Variants in ANKRD17 observed in about 807,000 individuals in gnomAD.
ANKRD17 encodes ankyrin repeat domain 17, also known as ankyrin repeat domain-containing protein 17.
A neutral mutation model predicts 229.7 loss-of-function variants in ANKRD17; 19 were observed. The ratio of observed to expected loss-of-function variants is 0.08; its 90% CI spans 0.06 to 0.12. The LOEUF is 0.12. ANKRD17 is among the 10% of genes least tolerant of loss of function. The probability of loss-of-function intolerance (pLI) is 1.00; values close to 1 mark genes in which losing one functional copy is unlikely to be tolerated. For missense variants in ANKRD17, 2,176 were observed against 3,176.8 expected (o/e 0.68, Z 7.57); for synonymous variants, 1,112 against 1,146.1 (o/e 0.97, Z 0.60).
At position 73,194,755 on chromosome 4, in the gene ANKRD17, C is replaced by CTCCT. The variant is rs1737609744; in HGVS notation, c.394-17226_394-17223dup. ...ACCTATTGCTTGGGACTTTAACCTA[C>CTCCT]TCCTTCCACCATAGGCAAAAATTAA... is the stretch of plus-strand genomic sequence containing the variant. On this transcript the variant is annotated intron_variant, in intron 1 of 33. Transcript: ENST00000358602. Among the ~76,000 whole-genome samples, 4 of 152,224 alleles carry CTCCT rather than the reference C, an allele frequency of 2.6e-5. No individual in the cohort carries two copies. The South Asian group carries it at 8.3e-4, about 32-fold the overall frequency.
At chr4:73,247,056 T>C (rs887202004) in intron 1 of ANKRD17, among the ~76,000 whole-genome samples, 2 of 151,702 alleles carry the variant, frequency 1.3e-5, no homozygotes, top group African/African-American at 4.8e-5. Context: ...CTATGAAAAA[T>C]TAATACTATA....
In ANKRD17 at chr4:73,091,122, G is replaced by A; in HGVS notation, c.6506C>T (p.Pro2169Leu). The A allele has an allele frequency of 3.7e-6, 6 of 1,614,178 alleles. No individual in the cohort carries two copies. Among genetic ancestry groups the A allele is most frequent in the Non-Finnish European group, 5.1e-6 (6 of 1,180,036 alleles). The stretch of plus-strand genomic sequence containing the variant: ...AGCAGGGGTTTCCATTTTAGGAGTA[G>A]GCTGGGGGCATCCCATTGGTGTCTG... The part of the protein sequence containing the change: ...MPQTPMGCPQ[P>L]TPKMETPAIR... The change falls in exon 29 of 34, where the codon CCT becomes CTT. Residue 2169 changes from proline to leucine, a missense_variant. By Grantham distance (98) the Pro-to-Leu change is moderately conservative. Transcript: ENST00000358602.
chr4:73,133,387 G>C (rs1036721073), intron 16 of ANKRD17, among the ~76,000 whole-genome samples: 4 of 124,814 alleles, frequency 3.2e-5, no homozygotes, highest in Non-Finnish European at 5.1e-5. Flanking sequence ...TGAATGTCTC[G>C]TGTTTTTTTT....
At chr4:73,214,818 T>A (rs1366867376) in intron 1 of ANKRD17, among the ~76,000 whole-genome samples, 1 of 133,218 alleles carries the variant, frequency 7.5e-6, no homozygotes, top group African/African-American at 2.9e-5. Context: ...AAGACCAACC[T>A]GGCCAACAGA....
intron 16 of ANKRD17, among the ~76,000 whole-genome samples, chr4:73,134,764 C>A (rs1728674630): frequency 6.6e-6 from 1 of 151,858 alleles, no homozygotes; most frequent in South Asian, 2.1e-4. Flanking sequence ...AACCTTTTTT[C>A]TTTTACATGC....
chr4:73,207,106 G>T (rs920779882), intron 1 of ANKRD17, among the ~76,000 whole-genome samples: 2 of 152,160 alleles, frequency 1.3e-5, no homozygotes, highest in Non-Finnish European at 2.9e-5. Context: ...TTACAGGCAT[G>T]AGCCACCGTG....
intron 25 of ANKRD17, among the ~76,000 whole-genome samples, chr4:73,101,469 A>G (rs1056547716): frequency 1.3e-5 from 2 of 152,094 alleles, no homozygotes; most frequent in Non-Finnish European, 2.9e-5. Context: ...GTTAGAGGCT[A>G]GCCTGGCCAA....
intron 27 of ANKRD17, among the ~76,000 whole-genome samples, chr4:73,094,687 A>G (rs1013268091): frequency 1.1e-4 from 16 of 149,436 alleles, no homozygotes; most frequent in Non-Finnish European, 1.9e-4. Context: ...ATAGACATAT[A>G]TATGTATATA....
chr4:73,123,554 G>A (rs1727034999), intron 18 of ANKRD17, among the ~76,000 whole-genome samples: 1 of 151,688 alleles, frequency 6.6e-6, no homozygotes. Flanking sequence ...CCAAATATAA[G>A]GGAACAAAAA....
intron 25 of ANKRD17, among the ~76,000 whole-genome samples, chr4:73,099,763 C>T (rs1433321326): frequency 6.6e-6 from 1 of 152,186 alleles, no homozygotes; most frequent in Non-Finnish European, 1.5e-5. Context: ...TTGGACAGTC[C>T]CCTTTGGCTA....
rs563556566 is a variant in ANKRD17 at position 73,081,928 on chromosome 4, T to A, written c.7160-3038A>T. On this transcript the variant is annotated intron_variant, in intron 30 of 33. Coordinates refer to ENST00000358602, the MANE Select transcript of ANKRD17 (RefSeq NM_032217.5). Reference sequence around the variant, plus strand: ...TGGGAGGCCCAGGTGGGCAGATCACTTGAGGCCAGGAGTTTGAGATCAGGC... The same window carrying A: ...TGGGAGGCCCAGGTGGGCAGATCACATGAGGCCAGGAGTTTGAGATCAGGC... Among the ~76,000 whole-genome samples the A allele has an allele frequency of 4.6e-5, 7 of 151,908 alleles. No homozygotes were observed. The South Asian group carries it at 1.5e-3, about 32-fold the overall frequency.
intron 24 of ANKRD17, among the ~76,000 whole-genome samples, chr4:73,112,264 T>A (rs927069619): frequency 6.6e-6 from 1 of 152,216 alleles, no homozygotes; most frequent in South Asian, 2.1e-4. Flanking sequence ...GCTGTTCTTG[T>A]CTTTGTTTCA....
At chr4:73,084,437 T>C (rs1488502111) in intron 30 of ANKRD17, among the ~76,000 whole-genome samples, 1 of 149,146 alleles carries the variant, frequency 6.7e-6, no homozygotes, top group Non-Finnish European at 1.5e-5. Flanking sequence ...TGTTGTGTTG[T>C]TAATGCAGAT....
Position 73,090,738 on chromosome 4 carries a change from A to G in ANKRD17, c.6890T>C (p.Leu2297Ser), listed in dbSNP as rs1722715640. The G allele has an allele frequency of 6.2e-7, 1 of 1,614,110 alleles. No individual in the cohort carries two copies. Among genetic ancestry groups the G allele is most frequent in the African/African-American group, 1.3e-5 (1 of 74,944 alleles). ...AGCTTTGGAAGTATCAGACTGATGT[A>G]AAGGATCTGAATTTGGCAAATATGA... The part of the protein sequence containing the change: ...KSSYLPNSDP[L>S]HQSDTSKAPG... The change falls in exon 29 of 34, where the codon TTA becomes TCA. Residue 2297 changes from leucine to serine, a missense_variant. Around this residue, in one of 18 missense-constraint regions of ANKRD17, gnomAD observed 424 missense variants for 454.0 expected, o/e 0.93. Coordinates refer to ENST00000358602, the MANE Select transcript of ANKRD17 (RefSeq NM_032217.5).
intron 30 of ANKRD17, among the ~76,000 whole-genome samples, chr4:73,079,580 A>C (rs973222596): frequency 6.6e-6 from 1 of 152,170 alleles, no homozygotes; most frequent in African/African-American, 2.4e-5. Flanking sequence ...GTTTCTTCAA[A>C]TTAGAACTGA....
At chr4:73,106,730 T>A (rs1724677621) in intron 24 of ANKRD17, among the ~76,000 whole-genome samples, 1 of 151,686 alleles carries the variant, frequency 6.6e-6, no homozygotes, top group African/African-American at 2.4e-5. Context: ...AATACAAAAA[T>A]TAGCTGGGTG....
At chr4:73,180,824 T>C (rs1578298788) in intron 1 of ANKRD17, among the ~76,000 whole-genome samples, 1 of 152,148 alleles carries the variant, frequency 6.6e-6, no homozygotes, top group African/African-American at 2.4e-5. Context: ...CCTAACCAAG[T>C]CTCTCTCTCA....
At chr4:73,232,020 C>A (rs976866283) in intron 1 of ANKRD17, among the ~76,000 whole-genome samples, 15 of 152,168 alleles carry the variant, frequency 9.9e-5, no homozygotes, top group East Asian at 1.9e-4. Context: ...TTTGTAATAT[C>A]TTTTACAATA....
At chr4:73,211,907 A>G (rs182796491) in intron 1 of ANKRD17, among the ~76,000 whole-genome samples, 2 of 152,102 alleles carry the variant, frequency 1.3e-5, no homozygotes, top group Non-Finnish European at 2.9e-5. Context: ...GGGTCTTAAG[A>G]GAAACTATAT....
Sources: allele counts gnomAD v4.1 joint callset (sites outside exome capture counted in the v4.1 genomes callset), GRCh38; gene constraint gnomAD v4.1.1; regional missense constraint gnomAD v4.1.1; transcripts MANE v1.5; gene names NCBI Gene and HGNC (gene_info 2026-07-23, HGNC 2026-07-21).